LMOD3: variants seen among roughly 807,000 people sequenced by gnomAD.
LMOD3 encodes leiomodin 3, also known as leiomodin-3.
In LMOD3, 31 loss-of-function variants were observed where a neutral mutation model predicts 41.8. The observed-to-expected ratio is 0.74, with a 90% CI of 0.56 to 1.00. LMOD3 has a LOEUF of 1.00. LMOD3 is among the 50% of genes least tolerant of loss of function. The probability of loss-of-function intolerance (pLI) is 0.00; values close to 1 mark genes in which losing one functional copy is unlikely to be tolerated. For synonymous variants in LMOD3, 292 were observed against 241.9 expected (o/e 1.21, Z -1.92); for missense variants, 755 against 679.5 (o/e 1.11, Z -1.23).
rs1005849842 is a variant in LMOD3 at position 69,122,586 on chromosome 3, G to C, written c.-200C>G. 3.8e-6 allele frequency: 2 copies of C among 528,608 alleles called. No individual in the cohort carries two copies. The highest frequency in any genetic ancestry group is 3.3e-6 in the Non-Finnish European group (1 of 299,300). 32.7% of individuals were successfully genotyped at this position (528,608 alleles called of 1,614,324 possible). On this transcript the variant is annotated 5_prime_UTR_variant, in exon 1 of 3. In the 5' UTR this introduces an upstream ATG that the reference lacks. Coordinates refer to ENST00000420581, the MANE Select transcript of LMOD3 (RefSeq NM_198271.5). The stretch of plus-strand genomic sequence containing the variant: ...AGTGATCACAGCTAAGCTCTTGCCG[G>C]ATCTATATTAAGCAGGGCTTGGCTG...
rs772183582 is a variant in LMOD3 at position 69,109,110 on chromosome 3, T to G, written c.1668A>C (p.Pro556=). Residue 556 remains proline, a synonymous_variant, in exon 3 of 3, where the codon CCA becomes CCC. Coordinates refer to ENST00000420581, the MANE Select transcript of LMOD3 (RefSeq NM_198271.5). ...CTGTTGCCTCTTACGCCAGTTCTTT[T>G]GGCAGTTGCACCTGCGATTTAAGCA... The part of the protein sequence containing the change: ...SVAYLKPVQL[P]KELA The G allele has an allele frequency of 6.2e-7, 1 of 1,603,008 alleles. No homozygotes were observed. Among genetic ancestry groups the G allele is most frequent in the African/African-American group, 1.3e-5 (1 of 74,956 alleles).
Position 69,119,245 on chromosome 3 carries a change from G to A in LMOD3, c.1110C>T (p.Leu370=), listed in dbSNP as rs2092393808. ...GCTCAAAATGGTAGCCCATCTTCAG[G>A]AGAGTGTTGTTTGCCTTCAAAAGCC... ...IARLLKANNT[L]LKMGYHFELP... Residue 370 remains leucine (L), a synonymous_variant, in exon 2 of 3, where the codon CTC becomes CTT. Transcript: ENST00000420581. 6.2e-7 allele frequency: 1 copy of A among 1,613,946 alleles called. No homozygotes were observed. The highest frequency in any genetic ancestry group is 8.5e-7 in the Non-Finnish European group (1 of 1,179,884).
At chr3:69,110,837 T>C (rs1261870697) in intron 2 of LMOD3, among the ~76,000 whole-genome samples, 4 of 47,604 alleles carry the variant, frequency 8.4e-5, no homozygotes, top group African/African-American at 3.7e-4. Context: ...AGACACCATC[T>C]CAAAAAAAAA....
At chr3:69,113,276 G>A (rs1023425535) in intron 2 of LMOD3, among the ~76,000 whole-genome samples, 23 of 152,142 alleles carry the variant, frequency 1.5e-4, no homozygotes, top group African/African-American at 5.1e-4. Context: ...CAGATTGAAC[G>A]TGCTAAGAAA....
intron 2 of LMOD3, among the ~76,000 whole-genome samples, chr3:69,110,020 T>C (rs1386687808): frequency 1.3e-5 from 2 of 152,072 alleles, no homozygotes; most frequent in East Asian, 3.9e-4. Flanking sequence ...GAATATAAAA[T>C]ATATGTTCTT....
At chr3:69,113,137 A>C (rs936014198) in intron 2 of LMOD3, among the ~76,000 whole-genome samples, 1 of 152,154 alleles carries the variant, frequency 6.6e-6, no homozygotes, top group African/African-American at 2.4e-5. Context: ...GAGGGGTCGA[A>C]GGAAGAAAAA....
chr3:69,117,790 G>A (rs1323656469), intron 2 of LMOD3, among the ~76,000 whole-genome samples: 4 of 150,976 alleles, frequency 2.6e-5, no homozygotes, highest in African/African-American at 9.7e-5. Context: ...TATGCATTTT[G>A]GAAGCATTCC....
At chr3:69,109,240 C>T in intron 2 of LMOD3, 119 bp from the exon 3 acceptor site, 1 of 841,958 alleles carries the variant, frequency 1.2e-6, no homozygotes, top group Non-Finnish European at 1.9e-6. Context: ...GAAATTCTGG[C>T]CAAAGCACCT....
At position 69,119,908 on chromosome 3, in the gene LMOD3, T is replaced by A; in HGVS notation, c.447A>T (p.Glu149Asp). Residue 149 changes from glutamate (E) to aspartate (D), a missense_variant, in exon 2 of 3, where the codon GAA (glutamate) becomes GAT (aspartate). Coordinates refer to ENST00000420581, the MANE Select transcript of LMOD3 (RefSeq NM_198271.5). ...CGTCGTCATCATCATCATCTTCTTC[T>A]TCTTCATCTTCTTCATCTGTTTCTT... Reference protein sequence around the residue: ...NIQETDEEDEEEEDDDDDDEG... With the variant: ...NIQETDEEDEDEEDDDDDDEG... 6 of 1,545,318 alleles carry A rather than the reference T, an allele frequency of 3.9e-6. No homozygotes were observed. The highest frequency in any genetic ancestry group is 5.3e-6 in the Non-Finnish European group (6 of 1,138,994).
At chr3:69,121,745 G>T (rs1193579322) in intron 1 of LMOD3, among the ~76,000 whole-genome samples, 3 of 152,092 alleles carry the variant, frequency 2.0e-5, no homozygotes, top group African/African-American at 7.2e-5. Context: ...TTCTCAAAGG[G>T]GCCTGCAATA....
chr3:69,118,897 C>T lies in LMOD3; in HGVS notation c.1458G>A (p.Arg486=). The T allele has an allele frequency of 2.5e-6, 4 of 1,611,596 alleles. No homozygotes were observed. In the South Asian group the frequency reaches 4.4e-5, roughly 18 times the overall value. Residue 486 remains arginine, a synonymous_variant, in exon 2 of 3, where the codon CGG becomes CGA. Transcript: ENST00000420581. Reference sequence around the variant, plus strand: ...GCTGGATTCTCTTCAGCTTCACCACCCGGAAGGAGTCAGGGTCTGTCCTGT... The same window carrying T: ...GCTGGATTCTCTTCAGCTTCACCACTCGGAAGGAGTCAGGGTCTGTCCTGT... The part of the protein sequence containing the change: ...PKYRTDPDSF[R]VVKLKRIQRK...
Position 69,122,163 on chromosome 3 carries a change from A to G in LMOD3, c.224T>C (p.Met75Thr). Reference sequence around the variant, plus strand: ...GCGCCTGGATGCCTTTTCCCAATACATATAATCAACAAGAGATTTATGATT... The same window carrying G: ...GCGCCTGGATGCCTTTTCCCAATACGTATAATCAACAAGAGATTTATGATT... ...NFNHKSLVDY[M>T]YWEKASRRML... The change falls in exon 1 of 3, where the codon ATG becomes ACG. Residue 75 changes from methionine to threonine, a missense_variant. Transcript: ENST00000420581. The G allele has an allele frequency of 1.2e-6, 2 of 1,613,068 alleles. No homozygotes were observed. Among genetic ancestry groups the G allele is most frequent in the African/African-American group, 1.3e-5 (1 of 75,030 alleles).
At chr3:69,118,095 G>C (rs1424542811) in intron 2 of LMOD3, among the ~76,000 whole-genome samples, 1 of 152,204 alleles carries the variant, frequency 6.6e-6, no homozygotes, top group East Asian at 1.9e-4. Flanking sequence ...CTCCCAAAGT[G>C]CTGGGATTAC....
chr3:69,119,869 A>T lies in LMOD3; in HGVS notation c.486T>A (p.Asp162Glu). The T allele has an allele frequency of 6.4e-7, 1 of 1,554,804 alleles. No individual in the cohort carries two copies. The highest frequency in any genetic ancestry group is 2.4e-5 in the East Asian group (1 of 41,486). The change falls in exon 2 of 3, where the codon GAT becomes GAA. Residue 162 changes from aspartate to glutamate, a missense_variant. Coordinates refer to ENST00000420581, the MANE Select transcript of LMOD3 (RefSeq NM_198271.5). ...TGTTCGTTTCTTCACTCTCTTCACC[A>T]TCATCTTCTCCTTCGTCGTCATCAT... ...DDDDDDEGED[D>E]GEESEETNRE...
rs983117243 is a variant in LMOD3, at chr3:69,118,920, T to C, written c.1435A>G (p.Arg479Gly). The C allele has an allele frequency of 1.1e-5, 18 of 1,612,166 alleles. No homozygotes were observed. The highest frequency in any genetic ancestry group is 1.4e-5 in the Non-Finnish European group (17 of 1,179,586). ...ACCCGGAAGGAGTCAGGGTCTGTCC[T>C]GTACTTCGGGGCCTGCGATGGCTTT... ...MKKPSQAPKY[R>G]TDPDSFRVVK... The change falls in exon 2 of 3, where the codon AGG becomes GGG. Residue 479 changes from arginine (R) to glycine (G), a missense_variant. Transcript: ENST00000420581.
At chr3:69,114,787 G>A (rs565589249) in intron 2 of LMOD3, among the ~76,000 whole-genome samples, 7 of 152,206 alleles carry the variant, frequency 4.6e-5, no homozygotes, top group Middle Eastern at 3.4e-3. Context: ...GTGAGCCACC[G>A]CACCCAGCCT....
chr3:69,118,662 G>A lies in LMOD3; in HGVS notation c.1656+37C>T, dbSNP rs751594977. The A allele has an allele frequency of 3.2e-6, 5 of 1,580,490 alleles. No individual in the cohort carries two copies. The South Asian group carries it at 5.7e-5, about 18-fold the overall frequency. Reference sequence around the variant, plus strand: ...AAAGTTGGGATGCATTTACTATGGAGGGTGCTCAGTCACCATTTCTCCCTC... The same window carrying A: ...AAAGTTGGGATGCATTTACTATGGAAGGTGCTCAGTCACCATTTCTCCCTC... On this transcript the variant is annotated intron_variant, in intron 2 of 2. Coordinates refer to ENST00000420581, the MANE Select transcript of LMOD3 (RefSeq NM_198271.5).
intron 2 of LMOD3, among the ~76,000 whole-genome samples, chr3:69,112,970 T>G (rs1007141937): frequency 6.6e-6 from 1 of 152,248 alleles, no homozygotes; most frequent in Non-Finnish European, 1.5e-5. Flanking sequence ...TCCTGGATTA[T>G]ACGTGCTCTT....
In LMOD3 at chr3:69,119,899, A is replaced by ATCT. The variant is rs753459417; in HGVS notation, c.453_455dup (p.Glu151dup). ...CTTCTCCTTCGTCGTCATCATCATC[A>ATCT]TCTTCTTCTTCTTCATCTTCTTCAT... On this transcript the variant is annotated inframe_insertion, in exon 2 of 3. Transcript: ENST00000420581. The ATCT allele has an allele frequency of 3.8e-5, 56 of 1,456,444 alleles. No homozygotes were observed. The East Asian group carries it at 1.2e-3, about 32-fold the overall frequency. 90.2% of individuals were successfully genotyped at this position (1,456,444 alleles called of 1,614,324 possible).
Sources: allele counts gnomAD v4.1 joint callset (sites outside exome capture counted in the v4.1 genomes callset), GRCh38; gene constraint gnomAD v4.1.1; transcripts MANE v1.5; gene names NCBI Gene and HGNC (gene_info 2026-07-23, HGNC 2026-07-21).